EPB41L2: variants seen among roughly 807,000 people sequenced by gnomAD.
EPB41L2 encodes erythrocyte membrane protein band 4.1 like 2, also known as band 4.1-like protein 2.
In EPB41L2, 43 loss-of-function variants were observed where a neutral mutation model predicts 113.0. The observed-to-expected ratio is 0.38, with a 90% CI of 0.30 to 0.49. The LOEUF is 0.49. Ranked by LOEUF, EPB41L2 falls within the 20% of genes least tolerant of loss-of-function variation. The probability of loss-of-function intolerance (pLI) is 0.95; values close to 1 mark genes in which losing one functional copy is unlikely to be tolerated. For missense variants in EPB41L2, 1,147 were observed against 1,223.4 expected, an observed-to-expected ratio of 0.94 and a Z score of 0.93; for synonymous variants, 442 against 436.7, an observed-to-expected ratio of 1.01 and a Z score of -0.15.
chr6:130,955,378 C>A, intron 2 of EPB41L2, 61 bp from the exon 3 acceptor site: 1 of 1,462,114 alleles, frequency 6.8e-7, no homozygotes, highest in Non-Finnish European at 9.4e-7. Context: ...TGACAACATA[C>A]TAAAAGGAAA....
chr6:130,841,949 G>A (rs1392646624), intron 19 of EPB41L2, among the ~76,000 whole-genome samples: 1 of 152,206 alleles, frequency 6.6e-6, no homozygotes, highest in East Asian at 1.9e-4. Flanking sequence ...GGCCCTGAAA[G>A]AGAAAAGGGT....
intron 1 of EPB41L2, among the ~76,000 whole-genome samples, chr6:131,046,795 T>C (rs573409507): frequency 2.8e-4 from 43 of 152,280 alleles, no homozygotes; most frequent in African/African-American, 1.0e-3. Context: ...CTAAAGCTGG[T>C]AAAGGAACAT....
intron 3 of EPB41L2, among the ~76,000 whole-genome samples, chr6:130,938,805 A>G (rs757829420): frequency 5.3e-5 from 8 of 152,198 alleles, no homozygotes; most frequent in Non-Finnish European, 1.2e-4. Flanking sequence ...AAGGCAGTAC[A>G]GGTAATTCAC....
chr6:131,031,561 T>G (rs1475920902), intron 1 of EPB41L2, among the ~76,000 whole-genome samples: 1 of 152,196 alleles, frequency 6.6e-6, no homozygotes, highest in Non-Finnish European at 1.5e-5. Context: ...AGTTCAAAAC[T>G]TCCTAATTTC....
At position 130,890,834 on chromosome 6, in the gene EPB41L2, T is replaced by C. The variant is rs140338665; in HGVS notation, c.1488-368A>G. On this transcript the variant is annotated intron_variant, in intron 10 of 19. Transcript: ENST00000337057. ...CCAAGTAACAATCCATTACCATTAG[T>C]AATTCTTAATATTTATGCCTATTTC... Among the ~76,000 whole-genome samples the C allele has an allele frequency of 7.6e-3, 1,159 of 152,348 alleles. 15 individuals are homozygous for C. Among genetic ancestry groups the C allele is most frequent in the Non-Finnish European group, 0.011 (728 of 68,020 alleles).
intron 1 of EPB41L2, among the ~76,000 whole-genome samples, chr6:131,034,631 C>T (rs944790564): frequency 6.6e-6 from 1 of 152,156 alleles, no homozygotes; most frequent in Non-Finnish European, 1.5e-5. Flanking sequence ...GTCTCTTATC[C>T]CTAGACTGGT....
intron 16 of EPB41L2, 51 bp downstream of exon 16, chr6:130,867,408 T>A (rs373508628): frequency 5.2e-5 from 82 of 1,583,956 alleles, no homozygotes; most frequent in African/African-American, 4.5e-4. Flanking sequence ...AAAACATAGA[T>A]ACACTAAGGG....
chr6:130,905,714 C>T (rs1438946296), intron 5 of EPB41L2, among the ~76,000 whole-genome samples: 1 of 152,152 alleles, frequency 6.6e-6, no homozygotes, highest in Non-Finnish European at 1.5e-5. Context: ...ACCACCACGC[C>T]CAGCCAAGTT....
At chr6:131,009,061 C>G (rs1348606250) in intron 1 of EPB41L2, among the ~76,000 whole-genome samples, 1 of 152,040 alleles carries the variant, frequency 6.6e-6, no homozygotes, top group East Asian at 1.9e-4. Flanking sequence ...TTGGGAGGGA[C>G]CAGGTTGGAA....
At chr6:130,904,762 T>C (rs1032036127) in intron 5 of EPB41L2, among the ~76,000 whole-genome samples, 1 of 152,030 alleles carries the variant, frequency 6.6e-6, no homozygotes, top group African/African-American at 2.4e-5. Flanking sequence ...TAAAGAGTAA[T>C]AGGTTCTCTT....
intron 19 of EPB41L2, 82 bp downstream of exon 19, chr6:130,858,049 A>ATTC (rs1780842936): frequency 9.2e-7 from 1 of 1,092,554 alleles, no homozygotes; most frequent in African/African-American, 1.5e-5. Context: ...CACTGATATG[A>ATTC]ACTTTCATTT....
intron 6 of EPB41L2, among the ~76,000 whole-genome samples, chr6:130,901,842 A>G (rs990125767): frequency 3.3e-5 from 5 of 152,250 alleles, no homozygotes; most frequent in Non-Finnish European, 5.9e-5. Context: ...GAAGATGAGC[A>G]TGAACATTAG....
At position 130,955,981 on chromosome 6, in the gene EPB41L2, T is replaced by C. The variant is rs1817308931; in HGVS notation, c.492+13A>G. 6.3e-7 allele frequency: 1 copy of C among 1,598,906 alleles called. No homozygotes were observed. Among genetic ancestry groups the C allele is most frequent in the East Asian group, 2.2e-5 (1 of 44,794 alleles). On this transcript the variant is annotated intron_variant, in intron 2 of 19. Transcript: ENST00000337057. ...TCAGGTTTTCATTTCCAGGCAATTA[T>C]TCCCAAACATACCTGCATCTCCACT... is the stretch of plus-strand genomic sequence containing the variant.
chr6:130,908,899 T>G, intron 4 of EPB41L2, 36 bp from the exon 5 acceptor site: 1 of 1,481,996 alleles, frequency 6.7e-7, no homozygotes, highest in Non-Finnish European at 9.3e-7. Flanking sequence ...ATAAGAAATA[T>G]TCTAGAGTCT....
At chr6:130,841,727 C>CA (rs989011696) in intron 19 of EPB41L2, among the ~76,000 whole-genome samples, 7 of 151,668 alleles carry the variant, frequency 4.6e-5, no homozygotes, top group African/African-American at 1.7e-4. Flanking sequence ...TCTGGGACCT[C>CA]AAAAAAAGGA....
chr6:130,954,040 C>CTTTCTTTTTTTTTTTGTTTTT, intron 3 of EPB41L2, among the ~76,000 whole-genome samples: 1 of 58,850 alleles, frequency 1.7e-5, no homozygotes, highest in Non-Finnish European at 3.3e-5. Flanking sequence ...CCTTTTCTTT[C>CTTTCTTTTTTTTTTTGTTTTT]TTTTTTTTTT....
intron 1 of EPB41L2, among the ~76,000 whole-genome samples, chr6:131,020,159 TA>T (rs1409198982): frequency 1.3e-5 from 2 of 152,178 alleles, no homozygotes; most frequent in Admixed American, 1.3e-4. Context: ...TTTTCTTAGA[TA>T]AAATGTTAAA....
At chr6:130,840,940 G>A (rs1775264824) in intron 19 of EPB41L2, among the ~76,000 whole-genome samples, 2 of 152,128 alleles carry the variant, frequency 1.3e-5, no homozygotes, top group South Asian at 4.2e-4. Flanking sequence ...CTCAGGGAAA[G>A]GGAAAGTCAA....
At chr6:130,928,724 A>AT (rs1486608049) in intron 3 of EPB41L2, among the ~76,000 whole-genome samples, 1 of 152,260 alleles carries the variant, frequency 6.6e-6, no homozygotes, top group Non-Finnish European at 1.5e-5. Context: ...TATCAGCATG[A>AT]TGGCTGGACC....
Sources: allele counts gnomAD v4.1 joint callset (sites outside exome capture counted in the v4.1 genomes callset), GRCh38; gene constraint gnomAD v4.1.1; transcripts MANE v1.5; gene names NCBI Gene and HGNC (gene_info 2026-07-23, HGNC 2026-07-21).